CIROZ: variants seen among roughly 807,000 people sequenced by gnomAD.
CIROZ encodes the protein ciliated left-right organizer protein containing ZP-N domains.
At chr1:10,974,144 A>G in the CIROZ span, among the ~76,000 whole-genome samples, 1 of 152,070 alleles carries the variant, frequency 6.6e-6, no homozygotes, top group Admixed American at 6.5e-5. This position sits in a 1 kb window ranked among gnomAD's most constrained non-coding sequence, Gnocchi z 4.4. Context: ...CCTGTGGGCC[A>G]GGGAGGGCCA....
At chr1:10,970,016 G>T in the CIROZ span, 1 of 1,536,996 alleles carries the variant, frequency 6.5e-7, no homozygotes. Flanking sequence ...GCCCCTCCAC[G>T]TGGCTCCTTG....
At chr1:10,973,669 G>A in the CIROZ span, among the ~76,000 whole-genome samples, 1 of 152,134 alleles carries the variant, frequency 6.6e-6, no homozygotes, top group Non-Finnish European at 1.5e-5. Context: ...GCTGGTGGGA[G>A]CCCCGCCCCT....
chr1:10,979,625 G>C, the CIROZ span, among the ~76,000 whole-genome samples: 2 of 152,094 alleles, frequency 1.3e-5, no homozygotes, highest in Non-Finnish European at 2.9e-5. Context: ...CAGAGGACAC[G>C]TGCAAGACTG....
chr1:10,971,056 C>T, the CIROZ span, among the ~76,000 whole-genome samples: 101 of 4,850 alleles, frequency 0.021, no homozygotes, highest in Non-Finnish European at 0.041. Context: ...GGAGGTGAGG[C>T]GGAAAGACTG....
chr1:10,948,673 C>A, the CIROZ span: 1 of 1,609,796 alleles, frequency 6.2e-7, no homozygotes, highest in Non-Finnish European at 8.5e-7. Context: ...TGGACACCCT[C>A]TACAGGCTCC....
the CIROZ span, chr1:10,954,159 A>T: frequency 1.2e-6 from 2 of 1,607,952 alleles, no homozygotes; most frequent in Admixed American, 1.7e-5. Context: ...GGCCACAAGA[A>T]ATTAGTTGCA....
At chr1:10,954,568 G>A in the CIROZ span, among the ~76,000 whole-genome samples, 9 of 152,124 alleles carry the variant, frequency 5.9e-5, no homozygotes, top group Non-Finnish European at 1.2e-4. Context: ...GTAAAAGCAC[G>A]GGCCTGAGGA....
the CIROZ span, chr1:10,949,227 A>C: frequency 4.5e-6 from 1 of 223,208 alleles, no homozygotes. Context: ...CCATCTCAAA[A>C]AAAAAAAAAA....
At chr1:10,966,273 T>G in the CIROZ span, 1 of 1,395,988 alleles carries the variant, frequency 7.2e-7, no homozygotes, top group East Asian at 2.5e-5. Flanking sequence ...AATGGTGCAG[T>G]GTCTCCTTAC....
chr1:10,979,761 C>G, the CIROZ span, among the ~76,000 whole-genome samples: 24 of 152,332 alleles, frequency 1.6e-4, no homozygotes, highest in African/African-American at 5.5e-4. Flanking sequence ...AAAGAAACTA[C>G]TATTGGACGG....
chr1:10,958,041 C>T, the CIROZ span, among the ~76,000 whole-genome samples: 1 of 152,240 alleles, frequency 6.6e-6, no homozygotes, highest in Non-Finnish European at 1.5e-5. Flanking sequence ...GCAATGCCAA[C>T]CAGTCGGCCC....
chr1:10,972,420 T>TACACACACACACACACAC, the CIROZ span, among the ~76,000 whole-genome samples: 18 of 131,720 alleles, frequency 1.4e-4, no homozygotes, highest in African/African-American at 5.5e-4. Context: ...GTCTCTGAAA[T>TACACACACACACACACAC]ACACACACAC....
the CIROZ span, among the ~76,000 whole-genome samples, chr1:10,974,311 C>T: frequency 5.9e-5 from 9 of 151,994 alleles, no homozygotes; most frequent in African/African-American, 1.9e-4. This position sits in a 1 kb window ranked among gnomAD's most constrained non-coding sequence, Gnocchi z 4.4. Flanking sequence ...AGGCAGAGGA[C>T]GGCCACAGGA....
chr1:10,955,017 A>C, the CIROZ span: 5 of 1,607,412 alleles, frequency 3.1e-6, no homozygotes, highest in African/African-American at 6.7e-5. Flanking sequence ...CGGCCGCCGG[A>C]ATGCTGACCA....
At chr1:10,976,036 C>A in the CIROZ span, 1 of 748,870 alleles carries the variant, frequency 1.3e-6, no homozygotes. Context: ...TTGGTGAAGG[C>A]TTTGGAAGGC....
chr1:10,953,966 T>C, the CIROZ span: 1,433 of 1,565,706 alleles, frequency 9.2e-4, 1 homozygote, highest in Non-Finnish European at 1.1e-3. Flanking sequence ...AAAGAGGGTT[T>C]GTGTGGTGTG....
the CIROZ span, among the ~76,000 whole-genome samples, chr1:10,981,285 C>A: frequency 2.0e-5 from 3 of 151,974 alleles, no homozygotes; most frequent in South Asian, 2.1e-4. Flanking sequence ...CCTGTCTCTA[C>A]AAAAAAATTA....
the CIROZ span, among the ~76,000 whole-genome samples, chr1:10,968,156 C>T: frequency 6.7e-6 from 1 of 149,108 alleles, no homozygotes; most frequent in Non-Finnish European, 1.5e-5. Context: ...GAGACTCCGT[C>T]TCAATAAATA....
chr1:10,971,989 C>T, the CIROZ span, among the ~76,000 whole-genome samples: 2 of 152,222 alleles, frequency 1.3e-5, no homozygotes, highest in African/African-American at 2.4e-5. Flanking sequence ...CAGGAAAAGG[C>T]GTGAGTTATG....
Sources: gnomAD v4.1 joint callset for allele counts (sites outside exome capture counted in the v4.1 genomes callset) on GRCh38, gnomAD v4.1.1 for gene constraint, Gnocchi (gnomAD v3.1) non-coding constraint, MANE v1.5 for transcripts, NCBI Gene and HGNC (gene_info 2026-07-23, HGNC 2026-07-21) for gene names.